Variants in DOCK2 observed in about 807,000 individuals in gnomAD.
DOCK2 encodes dedicator of cytokinesis 2.
A neutral mutation model predicts 248.9 loss-of-function variants in DOCK2; 87 were observed. That is an observed-to-expected ratio of 0.35 (90% CI 0.29 to 0.42). The LOEUF (loss-of-function observed/expected upper bound fraction) is 0.42, where lower values mean the gene tolerates loss of function less well. DOCK2 is among the 10% of genes least tolerant of loss of function. The pLI is 1.00. For synonymous variants in DOCK2, 805 were observed against 821.6 expected, an observed-to-expected ratio of 0.98 and a Z score of 0.35; for missense variants, 1,747 against 2,300.2, an observed-to-expected ratio of 0.76 and a Z score of 4.92.
intron 22 of DOCK2, among the ~76,000 whole-genome samples, chr5:169,743,690 C>T (rs1012427439): frequency 3.3e-5 from 5 of 151,906 alleles, no homozygotes; most frequent in Admixed American, 6.6e-5. Flanking sequence ...GATAGCAAAG[C>T]GCTTTATATG....
chr5:169,922,366 A>C (rs571814978), intron 27 of DOCK2, among the ~76,000 whole-genome samples: 2 of 152,238 alleles, frequency 1.3e-5, no homozygotes, highest in African/African-American at 4.8e-5. Flanking sequence ...TAATACATAA[A>C]AATAATGTAA....
intron 22 of DOCK2, among the ~76,000 whole-genome samples, chr5:169,731,193 T>C (rs1268803650): frequency 6.6e-6 from 1 of 152,158 alleles, no homozygotes; most frequent in African/African-American, 2.4e-5. Flanking sequence ...GCTGTGTTAA[T>C]GTATCGGTCT....
chr5:169,716,418 G>T (rs561562923), intron 20 of DOCK2, 116 bp downstream of exon 20: 3 of 1,007,506 alleles, frequency 3.0e-6, no homozygotes, highest in African/African-American at 3.2e-5. Flanking sequence ...TGAATTCTTT[G>T]GAGGTGTTGT....
At chr5:169,681,710 T>A (rs1164915122) in intron 6 of DOCK2, 34 bp from the exon 7 acceptor site, 2 of 1,608,800 alleles carry the variant, frequency 1.2e-6, no homozygotes, top group Non-Finnish European at 1.7e-6. Flanking sequence ...AGTTCTCCCC[T>A]GATTTGTCTT....
chr5:170,044,317 C>T (rs532936467), intron 38 of DOCK2, among the ~76,000 whole-genome samples: 2 of 152,296 alleles, frequency 1.3e-5, no homozygotes, highest in African/African-American at 4.8e-5. Flanking sequence ...CATTACTGCA[C>T]ACCACACCAT....
chr5:169,643,333 C>T (rs902164572), intron 1 of DOCK2, among the ~76,000 whole-genome samples: 6 of 137,432 alleles, frequency 4.4e-5, no homozygotes, highest in African/African-American at 1.4e-4. Flanking sequence ...CCGTTCATCA[C>T]TCTAGGGCAG....
At chr5:170,078,894 C>G in intron 48 of DOCK2, 81 bp from the exon 49 acceptor site, 1 of 1,540,598 alleles carries the variant, frequency 6.5e-7, no homozygotes, top group East Asian at 2.3e-5. Flanking sequence ...CAAAGGTCCC[C>G]TTCAGCTTCC....
At chr5:170,077,213 A>G (rs1003866225) in intron 47 of DOCK2, among the ~76,000 whole-genome samples, 5 of 152,288 alleles carry the variant, frequency 3.3e-5, no homozygotes, top group Non-Finnish European at 7.4e-5. Flanking sequence ...CAGCCAGAGA[A>G]GTTCACTAGA....
At chr5:170,073,473 T>C (rs1757744602) in intron 46 of DOCK2, among the ~76,000 whole-genome samples, 1 of 152,208 alleles carries the variant, frequency 6.6e-6, no homozygotes, top group South Asian at 2.1e-4. Context: ...TGCCAATGTT[T>C]ACACACTCCT....
At chr5:170,075,727 G>A in intron 46 of DOCK2, 1 of 554,138 alleles carries the variant, frequency 1.8e-6, no homozygotes, top group East Asian at 3.3e-5. Context: ...ATGAGGCAAG[G>A]GAAGCTGGGG....
At chr5:169,727,781 GA>G (rs202082671) in intron 22 of DOCK2, among the ~76,000 whole-genome samples, 10 of 150,890 alleles carry the variant, frequency 6.6e-5, no homozygotes, top group Admixed American at 1.3e-4. Flanking sequence ...TGCTTAAAAT[GA>G]AAAAAAAAAT....
At chr5:170,059,571 T>A (rs77475865) in intron 44 of DOCK2, among the ~76,000 whole-genome samples, 185 of 152,344 alleles carry the variant, frequency 1.2e-3, no homozygotes, top group South Asian at 2.7e-3. Flanking sequence ...AATTTTCTTG[T>A]TTATTTTTAA....
intron 33 of DOCK2, among the ~76,000 whole-genome samples, chr5:170,024,050 CA>C (rs1755819986): frequency 6.6e-6 from 1 of 152,234 alleles, no homozygotes; most frequent in Non-Finnish European, 1.5e-5. Flanking sequence ...GAGGGAGGCC[CA>C]GGCAGAAGGT....
intron 27 of DOCK2, among the ~76,000 whole-genome samples, chr5:169,866,364 G>C (rs1225370857): frequency 1.3e-5 from 2 of 152,156 alleles, no homozygotes; most frequent in African/African-American, 4.8e-5. Flanking sequence ...CAGTTTCACT[G>C]TGAGATCTTG....
intron 5 of DOCK2, among the ~76,000 whole-genome samples, chr5:169,673,827 A>G (rs1237874910): frequency 6.6e-6 from 1 of 152,178 alleles, no homozygotes; most frequent in Admixed American, 6.5e-5. Flanking sequence ...CTAGGGATCC[A>G]TGTTGTTTGA....
At chr5:169,769,673 G>A (rs567689132) in intron 25 of DOCK2, among the ~76,000 whole-genome samples, 1 of 152,360 alleles carries the variant, frequency 6.6e-6, no homozygotes, top group South Asian at 2.1e-4. Flanking sequence ...GGCCAGGGAT[G>A]TGCATGGTAT....
intron 33 of DOCK2, 80 bp from the exon 34 acceptor site, chr5:170,027,783 T>G: frequency 2.2e-6 from 3 of 1,355,264 alleles, no homozygotes; most frequent in African/African-American, 1.4e-5. Context: ...CCCTAAAGCT[T>G]TGGTTGAAAT....
At chr5:169,656,078 G>A (rs1412730310) in intron 2 of DOCK2, among the ~76,000 whole-genome samples, 2 of 152,156 alleles carry the variant, frequency 1.3e-5, no homozygotes, top group African/African-American at 4.8e-5. Context: ...TTCCACGCAC[G>A]CTGCCCCCTG....
At chr5:169,933,329 C>T (rs936943233) in intron 27 of DOCK2, among the ~76,000 whole-genome samples, 15 of 152,180 alleles carry the variant, frequency 9.9e-5, no homozygotes, top group African/African-American at 3.4e-4. Context: ...TAATCAAATA[C>T]AGATACCGGT....
Sources: allele counts gnomAD v4.1 joint callset (sites outside exome capture counted in the v4.1 genomes callset), GRCh38; gene constraint gnomAD v4.1.1; transcripts MANE v1.5; gene names NCBI Gene and HGNC (gene_info 2026-07-23, HGNC 2026-07-21).